The following FCHO2 variants were observed in gnomAD, a reference collection of about 807,000 sequenced individuals.
FCHO2 encodes the protein F-BAR domain only protein 2.
In FCHO2, 43 loss-of-function variants were observed where a neutral mutation model predicts 114.1. The observed-to-expected ratio is 0.38, with a 90% confidence interval of 0.30 to 0.49. The LOEUF is 0.49. FCHO2 is among the 20% of genes least tolerant of loss of function. FCHO2 has a pLI of 0.97. For missense variants in FCHO2, 807 were observed against 950.4 expected, an observed-to-expected ratio of 0.85 and a Z score of 1.98; for synonymous variants, 293 against 315.2, an observed-to-expected ratio of 0.93 and a Z score of 0.75.
intron 8 of FCHO2, among the ~76,000 whole-genome samples, chr5:73,028,929 A>G (rs1485656881): frequency 6.6e-6 from 1 of 152,088 alleles, no homozygotes; most frequent in Admixed American, 6.6e-5. Context: ...TTACAGGTGG[A>G]GCCACCGTGC....
intron 8 of FCHO2, among the ~76,000 whole-genome samples, chr5:73,017,859 A>G (rs1204846821): frequency 6.6e-6 from 1 of 152,184 alleles, no homozygotes; most frequent in Non-Finnish European, 1.5e-5. Context: ...AAATGGATAT[A>G]GGAATCCTGG....
intron 5 of FCHO2, among the ~76,000 whole-genome samples, chr5:72,993,118 A>G (rs1753890201): frequency 6.6e-6 from 1 of 152,038 alleles, no homozygotes; most frequent in Non-Finnish European, 1.5e-5. Flanking sequence ...AACAAAAACG[A>G]TGTGTCTTGA....
chr5:73,016,889 G>A (rs981855201), intron 7 of FCHO2, among the ~76,000 whole-genome samples: 1 of 151,568 alleles, frequency 6.6e-6, no homozygotes, highest in Non-Finnish European at 1.5e-5. Flanking sequence ...CTGTGTGTGT[G>A]TTTTTTTTAA....
chr5:73,006,699 G>T, intron 6 of FCHO2, 150 bp downstream of exon 6: 1 of 553,920 alleles, frequency 1.8e-6, no homozygotes, highest in South Asian at 3.3e-5. Context: ...TACATGTCGC[G>T]TTTTGGAGAT....
At chr5:72,984,577 A>G (rs11744822) in intron 2 of FCHO2, among the ~76,000 whole-genome samples, 17,907 of 152,206 alleles carry the variant, frequency 0.12, 1,272 homozygotes, top group Non-Finnish European at 0.17. Flanking sequence ...GACCATTCAC[A>G]TTTTTTAGTT....
chr5:73,066,857 G>A (rs927233499), intron 18 of FCHO2, among the ~76,000 whole-genome samples: 1 of 152,026 alleles, frequency 6.6e-6, no homozygotes, highest in South Asian at 2.1e-4. Context: ...CCCTCCATGC[G>A]ATTCTGATGC....
intron 2 of FCHO2, among the ~76,000 whole-genome samples, chr5:72,974,604 T>C (rs201293979): frequency 0.29 from 43,262 of 150,078 alleles, 6,466 homozygotes; most frequent in East Asian, 0.43. Flanking sequence ...TGTCTCTGCA[T>C]GTGAGATGGG....
At chr5:73,057,673 T>C (rs1011770568) in intron 16 of FCHO2, among the ~76,000 whole-genome samples, 2 of 152,210 alleles carry the variant, frequency 1.3e-5, no homozygotes, top group African/African-American at 2.4e-5. Context: ...TAACCCAATT[T>C]TATACCACTT....
chr5:73,024,769 A>C (rs1755828303), intron 8 of FCHO2, among the ~76,000 whole-genome samples: 1 of 152,128 alleles, frequency 6.6e-6, no homozygotes, highest in African/African-American at 2.4e-5. Context: ...CAGTGCCCTC[A>C]TCTGTAAAGT....
chr5:73,004,702 C>T (rs1754623166), intron 5 of FCHO2, among the ~76,000 whole-genome samples: 1 of 151,992 alleles, frequency 6.6e-6, no homozygotes, highest in Non-Finnish European at 1.5e-5. Flanking sequence ...AAGACAAGGT[C>T]AGATGGGTAG....
At chr5:73,065,352 AAGC>A (rs1327168141) in intron 18 of FCHO2, among the ~76,000 whole-genome samples, 2 of 152,036 alleles carry the variant, frequency 1.3e-5, no homozygotes, top group African/African-American at 4.8e-5. Flanking sequence ...AAAACAGAGA[AAGC>A]AGAGAAGGAA....
chr5:73,034,018 C>G (rs923252682), intron 8 of FCHO2, among the ~76,000 whole-genome samples: 14 of 152,154 alleles, frequency 9.2e-5, no homozygotes, highest in African/African-American at 3.1e-4. Flanking sequence ...CATGAAAACT[C>G]TTCCTATTTC....
intron 5 of FCHO2, among the ~76,000 whole-genome samples, chr5:72,998,447 A>T (rs1317599910): frequency 6.6e-6 from 1 of 152,026 alleles, no homozygotes; most frequent in Non-Finnish European, 1.5e-5. Context: ...AGATCGAGCC[A>T]CTGCACTCCA....
rs766782365 is a variant in FCHO2, at chr5:72,968,521, T to C, written c.57T>C (p.Asp19=). The change falls in exon 2 of 26, where the codon GAT becomes GAC. Residue 19 remains aspartate (D), a synonymous_variant. Coordinates refer to ENST00000430046, the MANE Select transcript of FCHO2 (RefSeq NM_138782.3). The stretch of plus-strand genomic sequence containing the variant: ...AGGGGGAAAAAAATAGTGGCTTTGA[T>C]GTCCTCTACCATAATATGAAACATG... The part of the protein sequence containing the change: ...NFWGEKNSGF[D]VLYHNMKHGQ... 1.3e-6 allele frequency: 2 copies of C among 1,529,178 alleles called. No homozygotes were observed. Among genetic ancestry groups the C allele is most frequent in the Non-Finnish European group, 8.7e-7 (1 of 1,147,024 alleles). The allele number at this position is 1,529,178 out of a possible 1,614,324, so 94.7% of individuals were successfully genotyped here.
intron 1 of FCHO2, among the ~76,000 whole-genome samples, chr5:72,959,779 C>CTT (rs972805765): frequency 1.4e-5 from 2 of 145,110 alleles, no homozygotes. Context: ...TCTCTTCTTT[C>CTT]TTTTTTTTTT....
rs534447436 is a variant in FCHO2 at position 73,011,865 on chromosome 5, G to A, written c.601-3761G>A. Among the ~76,000 whole-genome samples, 5 of 151,836 alleles carry A rather than the reference G, an allele frequency of 3.3e-5. 1 individual carries two copies. The South Asian group carries it at 1.0e-3, about 32-fold the overall frequency. Reference sequence around the variant, plus strand: ...GTGGTGGTTGCAGTGAGCTGAGATTGCGCCACTGCCCTCCAGCCTGGGCAA... The same window carrying A: ...GTGGTGGTTGCAGTGAGCTGAGATTACGCCACTGCCCTCCAGCCTGGGCAA... On this transcript the variant is annotated intron_variant, in intron 6 of 25. Coordinates refer to ENST00000430046, the MANE Select transcript of FCHO2 (RefSeq NM_138782.3).
chr5:72,988,109 C>G (rs72764837), intron 2 of FCHO2, among the ~76,000 whole-genome samples: 17,569 of 152,080 alleles, frequency 0.12, 1,297 homozygotes, highest in Non-Finnish European at 0.16. Flanking sequence ...TGAGAAGAGC[C>G]AGGCAAAAGG....
At chr5:73,006,271 G>A (rs1447716305) in intron 5 of FCHO2, among the ~76,000 whole-genome samples, 174 bp from the exon 6 acceptor site, 1 of 152,044 alleles carries the variant, frequency 6.6e-6, no homozygotes, top group Non-Finnish European at 1.5e-5. Context: ...TTGGCTGACT[G>A]TAACAACAAC....
intron 22 of FCHO2, among the ~76,000 whole-genome samples, chr5:73,079,438 A>C (rs770376671): frequency 1.3e-5 from 2 of 152,194 alleles, no homozygotes; most frequent in Non-Finnish European, 2.9e-5. Flanking sequence ...TTTATACGAC[A>C]TAGTAGCATT....
Sources: gnomAD v4.1 joint callset for allele counts (sites outside exome capture counted in the v4.1 genomes callset) on GRCh38, gnomAD v4.1.1 for gene constraint, MANE v1.5 for transcripts, NCBI Gene and HGNC (gene_info 2026-07-23, HGNC 2026-07-21) for gene names.